The following GALNT13 variants were observed in gnomAD, a reference collection of about 807,000 sequenced individuals.
GALNT13 encodes UDP-GalNAc:polypeptide N-acetylgalactosaminyltransferase 13.
GALNT13 carries 28 observed loss-of-function variants against 64.2 expected under a neutral mutation model. That is an observed-to-expected ratio of 0.44 (90% confidence interval 0.32 to 0.60). GALNT13 has a LOEUF of 0.60. GALNT13 is among the 20% of genes least tolerant of loss of function. The pLI, the probability that GALNT13 is intolerant of heterozygous loss-of-function variation, is 0.05. For synonymous variants in GALNT13, 214 were observed against 224.6 expected, an observed-to-expected ratio of 0.95 and a Z score of 0.42; for missense variants, 577 against 669.8, an observed-to-expected ratio of 0.86 and a Z score of 1.53.
At chr2:153,273,975 G>T in the GALNT13 span, among the ~76,000 whole-genome samples, 5 of 152,092 alleles carry the variant, frequency 3.3e-5, no homozygotes, top group African/African-American at 1.2e-4. Flanking sequence ...GCATTCCAGG[G>T]AGACTCCTTA....
At chr2:153,611,924 T>C in the GALNT13 span, among the ~76,000 whole-genome samples, 3 of 151,794 alleles carry the variant, frequency 2.0e-5, no homozygotes, top group Non-Finnish European at 4.4e-5. Flanking sequence ...TTCTCATTGT[T>C]CAACTCCCAC....
chr2:154,249,750 T>C (rs2105885324), intron 7 of GALNT13, among the ~76,000 whole-genome samples: 1 of 152,274 alleles, frequency 6.6e-6, no homozygotes, highest in South Asian at 2.1e-4. Context: ...GATGTTCTTT[T>C]AATTCTGATA....
intron 12 of GALNT13, among the ~76,000 whole-genome samples, chr2:154,440,858 A>G (rs928329645): frequency 6.6e-6 from 1 of 152,174 alleles, no homozygotes; most frequent in Non-Finnish European, 1.5e-5. Flanking sequence ...TTGATGTGCG[A>G]TTATATTTTT....
chr2:153,733,881 C>T, the GALNT13 span, among the ~76,000 whole-genome samples: 4 of 152,204 alleles, frequency 2.6e-5, no homozygotes, highest in Admixed American at 2.6e-4. Flanking sequence ...CCTTTTAAAA[C>T]ATCTAAATCC....
the GALNT13 span, among the ~76,000 whole-genome samples, chr2:153,318,390 G>A: frequency 2.6e-5 from 4 of 152,180 alleles, no homozygotes; most frequent in Non-Finnish European, 5.9e-5. Flanking sequence ...CCTAAACCAA[G>A]CCAATCAGAG....
the GALNT13 span, among the ~76,000 whole-genome samples, chr2:153,337,516 A>G: frequency 6.6e-6 from 1 of 152,244 alleles, no homozygotes; most frequent in African/African-American, 2.4e-5. Context: ...ATTGACAATA[A>G]TCCTCATCCT....
At chr2:153,296,675 CTAG>C in the GALNT13 span, among the ~76,000 whole-genome samples, 7 of 152,026 alleles carry the variant, frequency 4.6e-5, no homozygotes, top group African/African-American at 7.2e-5. Flanking sequence ...AACTGTGTTT[CTAG>C]TAGTTACTTG....
chr2:153,169,825 G>T, the GALNT13 span, among the ~76,000 whole-genome samples: 2 of 152,196 alleles, frequency 1.3e-5, no homozygotes, highest in African/African-American at 4.8e-5. Context: ...CCCTACTGTT[G>T]TTAGCTCCCA....
chr2:154,291,015 A>G (rs940439387), intron 8 of GALNT13, among the ~76,000 whole-genome samples: 3 of 152,068 alleles, frequency 2.0e-5, no homozygotes, highest in African/African-American at 7.2e-5. Context: ...TCATAAAGGC[A>G]GCCCGGACCC....
intron 3 of GALNT13, among the ~76,000 whole-genome samples, chr2:154,073,469 T>C (rs1700840836): frequency 6.6e-6 from 1 of 151,960 alleles, no homozygotes; most frequent in South Asian, 2.1e-4. Flanking sequence ...TGTATCCATG[T>C]TCACTGTGAC....
intron 3 of GALNT13, among the ~76,000 whole-genome samples, chr2:154,026,396 G>A (rs1697967450): frequency 6.6e-6 from 1 of 152,142 alleles, no homozygotes; most frequent in South Asian, 2.1e-4. Flanking sequence ...ATTTGGGTGT[G>A]TTTGGCTTGT....
At chr2:153,539,592 G>C in the GALNT13 span, among the ~76,000 whole-genome samples, 4 of 151,776 alleles carry the variant, frequency 2.6e-5, no homozygotes, top group African/African-American at 9.7e-5. Context: ...AAGGGATCCA[G>C]TTTCAGCTTT....
At chr2:153,783,961 A>G in the GALNT13 span, among the ~76,000 whole-genome samples, 1 of 152,196 alleles carries the variant, frequency 6.6e-6, no homozygotes, top group Non-Finnish European at 1.5e-5. Flanking sequence ...CTCATACAGT[A>G]AACTGGTACT....
chr2:153,243,467 TA>T, the GALNT13 span, among the ~76,000 whole-genome samples: 1 of 151,688 alleles, frequency 6.6e-6, no homozygotes, highest in Non-Finnish European at 1.5e-5. Context: ...GGTATATAAT[TA>T]AACTTGTTTA....
chr2:154,124,858 T>C lies in GALNT13; in HGVS notation c.143-15479T>C, dbSNP rs577210854. On this transcript the variant is annotated intron_variant, in intron 3 of 12. Coordinates refer to ENST00000392825, the MANE Select transcript of GALNT13 (RefSeq NM_052917.4). ...AGTTTTGATTAGATGAGATTCTGAA[T>C]TGAGTTTTAGATTGCTGTAGAACAA... is the stretch of plus-strand genomic sequence containing the variant. 8.5e-5 allele frequency among the ~76,000 whole-genome samples: 13 copies of C among 152,232 alleles called. No homozygotes were observed. In the East Asian group the frequency reaches 2.3e-3, roughly 27 times the overall value.
the GALNT13 span, among the ~76,000 whole-genome samples, chr2:153,635,311 T>C: frequency 6.6e-6 from 1 of 150,728 alleles, no homozygotes; most frequent in Admixed American, 6.6e-5. Flanking sequence ...TTGCTTCAGG[T>C]AATTTGAAGG....
the GALNT13 span, among the ~76,000 whole-genome samples, chr2:153,107,003 G>A: frequency 1.3e-5 from 2 of 152,074 alleles, no homozygotes; most frequent in South Asian, 2.1e-4. Context: ...GTGAAAGTAG[G>A]TAAATAGGTT....
chr2:153,496,100 G>T, the GALNT13 span, among the ~76,000 whole-genome samples: 1 of 152,194 alleles, frequency 6.6e-6, no homozygotes, highest in Non-Finnish European at 1.5e-5. Context: ...AAAGAAGGAA[G>T]AGATGCAGCA....
At chr2:153,943,442 G>A (rs1225576627) in intron 2 of GALNT13, among the ~76,000 whole-genome samples, 1 of 151,892 alleles carries the variant, frequency 6.6e-6, no homozygotes, top group Admixed American at 6.6e-5. Flanking sequence ...TTAAGAATAT[G>A]AGAACAATTT....
Sources: gnomAD v4.1 joint callset for allele counts (sites outside exome capture counted in the v4.1 genomes callset) on GRCh38, gnomAD v4.1.1 for gene constraint, MANE v1.5 for transcripts, NCBI Gene and HGNC (gene_info 2026-07-23, HGNC 2026-07-21) for gene names.